Variants in AK5 observed in about 807,000 individuals in gnomAD.
AK5 encodes adenylate kinase 5.
A neutral mutation model predicts 69.5 loss-of-function variants in AK5; 27 were observed. The observed-to-expected ratio is 0.39, with a 90% CI of 0.29 to 0.54. The LOEUF is 0.54. Among genes scored for constraint, AK5 ranks in the 20% least tolerant of loss-of-function variants. AK5 has a pLI of 0.71. For synonymous variants in AK5, 260 were observed against 244.4 expected (o/e 1.06, Z -0.60); for missense variants, 531 against 700.4 (o/e 0.76, Z 2.73).
At chr1:77,381,853 G>A (rs1322843472) in intron 6 of AK5, among the ~76,000 whole-genome samples, 1 of 152,082 alleles carries the variant, frequency 6.6e-6, no homozygotes, top group African/African-American at 2.4e-5. Flanking sequence ...ATTCCACATT[G>A]ACATGGAAGC....
intron 6 of AK5, among the ~76,000 whole-genome samples, chr1:77,362,195 T>C (rs1298879768): frequency 1.3e-5 from 2 of 152,210 alleles, no homozygotes; most frequent in Non-Finnish European, 2.9e-5. Context: ...TTACTTAAAA[T>C]GTTTGCAACT....
At chr1:77,437,840 T>A (rs1652048559) in intron 8 of AK5, among the ~76,000 whole-genome samples, 1 of 152,102 alleles carries the variant, frequency 6.6e-6, no homozygotes, top group Non-Finnish European at 1.5e-5. Context: ...CAAAGCAAAA[T>A]TTTTATGTCA....
intron 10 of AK5, among the ~76,000 whole-genome samples, chr1:77,511,493 G>T (rs1657345364): frequency 6.6e-6 from 1 of 152,202 alleles, no homozygotes; most frequent in South Asian, 2.1e-4. Context: ...TAGTGAGTAA[G>T]AGGGTTAAAA....
chr1:77,305,089 G>A (rs1659563319), intron 5 of AK5, among the ~76,000 whole-genome samples: 1 of 152,148 alleles, frequency 6.6e-6, no homozygotes, highest in Non-Finnish European at 1.5e-5. Context: ...GATAATCAGT[G>A]ATGTTGAACA....
intron 6 of AK5, among the ~76,000 whole-genome samples, chr1:77,403,294 A>T (rs912463448): frequency 9.2e-5 from 14 of 152,082 alleles, no homozygotes; most frequent in African/African-American, 3.4e-4. Flanking sequence ...GAAGCTCTTT[A>T]GTTTAATTAG....
intron 6 of AK5, among the ~76,000 whole-genome samples, chr1:77,374,845 T>C (rs866501449): frequency 1.3e-5 from 2 of 152,050 alleles, no homozygotes; most frequent in African/African-American, 4.8e-5. Context: ...GAAGAAGTTA[T>C]TGAAAAATCA....
intron 6 of AK5, among the ~76,000 whole-genome samples, chr1:77,353,508 G>C (rs1361249322): frequency 6.6e-6 from 1 of 152,038 alleles, no homozygotes; most frequent in African/African-American, 2.4e-5. Flanking sequence ...TTAGTGCCTT[G>C]TGTGTGCCAG....
At chr1:77,290,352 A>G (rs1378471129) in intron 2 of AK5, among the ~76,000 whole-genome samples, 1 of 152,232 alleles carries the variant, frequency 6.6e-6, no homozygotes, top group African/African-American at 2.4e-5. Flanking sequence ...ATCTTAAAGC[A>G]TACTGATTAT....
intron 2 of AK5, 59 bp downstream of exon 2, chr1:77,287,186 T>A: frequency 8.0e-7 from 1 of 1,251,484 alleles, no homozygotes; most frequent in Non-Finnish European, 1.1e-6. Flanking sequence ...CTTTAAAACA[T>A]GCCATATAGA....
chr1:77,308,942 C>G (rs1659792428), intron 5 of AK5, among the ~76,000 whole-genome samples: 1 of 151,892 alleles, frequency 6.6e-6, no homozygotes, highest in Non-Finnish European at 1.5e-5. Context: ...GTACTCCAGC[C>G]TAGCTGACAG....
In AK5 at chr1:77,368,245, A is replaced by ATATATATATATAAATGTTATATATAT. The variant is rs376578923; in HGVS notation, c.891+27685_891+27686insTATAAATGTTATATATATTATATATA. Among the ~76,000 whole-genome samples the ATATATATATATAAATGTTATATATAT allele has an allele frequency of 2.9e-5, 2 of 67,906 alleles. 1 individual carries two copies. The highest frequency in any genetic ancestry group is 5.7e-5 in the Non-Finnish European group (2 of 35,064). 44.5% of individuals were successfully genotyped at this position (67,906 alleles called of 152,430 possible). A position where few individuals can be genotyped will look rare whatever the true frequency, so the allele number is the denominator to read the frequency against. On this transcript the variant is annotated intron_variant, in intron 6 of 13. Coordinates refer to ENST00000354567, the MANE Select transcript of AK5 (RefSeq NM_174858.3). ...TATATATATATATATATATATATAT[A>ATATATATATATAAATGTTATATATAT]TATATATAATATATATGTTATATAT...
chr1:77,534,403 A>G (rs1416251294), intron 12 of AK5, among the ~76,000 whole-genome samples: 23 of 151,986 alleles, frequency 1.5e-4, no homozygotes, highest in Admixed American at 1.5e-3. Flanking sequence ...TTCATCACCT[A>G]CTGTGTGCAA....
chr1:77,373,208 C>G (rs941233007), intron 6 of AK5, among the ~76,000 whole-genome samples: 28 of 151,978 alleles, frequency 1.8e-4, no homozygotes, highest in Admixed American at 1.8e-3. Context: ...TGGGCACTCT[C>G]ATTTAAAAAA....
chr1:77,486,571 G>A (rs565089849), intron 10 of AK5, among the ~76,000 whole-genome samples: 30 of 152,034 alleles, frequency 2.0e-4, no homozygotes, highest in Admixed American at 7.9e-4. Context: ...GGTGGCGGGC[G>A]CCTGTAGTCC....
chr1:77,308,592 C>T (rs764667455), intron 5 of AK5, among the ~76,000 whole-genome samples: 1 of 152,052 alleles, frequency 6.6e-6, no homozygotes, highest in Non-Finnish European at 1.5e-5. Context: ...CACTAGATAG[C>T]CCAGAGTCCA....
At chr1:77,411,568 C>T (rs1650045313) in intron 7 of AK5, among the ~76,000 whole-genome samples, 1 of 152,130 alleles carries the variant, frequency 6.6e-6, no homozygotes, top group Admixed American at 6.6e-5. Context: ...GTAGAGTAAT[C>T]ATACCTCCTA....
chr1:77,313,467 T>C (rs1660070844), intron 5 of AK5, among the ~76,000 whole-genome samples: 2 of 152,108 alleles, frequency 1.3e-5, no homozygotes, highest in Non-Finnish European at 2.9e-5. Flanking sequence ...GACTTTTGCT[T>C]TTCTTGAAAA....
At chr1:77,513,418 T>G (rs1657462058) in intron 10 of AK5, among the ~76,000 whole-genome samples, 1 of 152,214 alleles carries the variant, frequency 6.6e-6, no homozygotes, top group Non-Finnish European at 1.5e-5. Context: ...TTATTTCTAG[T>G]GCTTAGCAGT....
chr1:77,285,982 A>C (rs1258674588), intron 1 of AK5, among the ~76,000 whole-genome samples: 1 of 152,154 alleles, frequency 6.6e-6, no homozygotes, highest in African/African-American at 2.4e-5. Flanking sequence ...TAGAAGAAAG[A>C]CTATTGCATA....
Sources: gnomAD v4.1 joint callset for allele counts (sites outside exome capture counted in the v4.1 genomes callset) on GRCh38, gnomAD v4.1.1 for gene constraint, MANE v1.5 for transcripts, NCBI Gene and HGNC (gene_info 2026-07-23, HGNC 2026-07-21) for gene names.